HS3ST4: variants seen among roughly 807,000 people sequenced by gnomAD.
The protein encoded by HS3ST4 is heparan sulfate glucosamine 3-O-sulfotransferase 4.
In HS3ST4, 17 loss-of-function variants were observed where a neutral mutation model predicts 29.2. The ratio of observed to expected loss-of-function variants is 0.58; its 90% confidence interval spans 0.40 to 0.87. HS3ST4 has a LOEUF of 0.87. Among genes scored for constraint, HS3ST4 ranks in the 40% least tolerant of loss-of-function variants. The probability of loss-of-function intolerance (pLI) is 0.00; values close to 1 mark genes in which losing one functional copy is unlikely to be tolerated. For synonymous variants in HS3ST4, 314 were observed against 285.7 expected, an observed-to-expected ratio of 1.10 and a Z score of -1.00; for missense variants, 627 against 634.5, an observed-to-expected ratio of 0.99 and a Z score of 0.13.
At chr16:25,914,116 G>A (rs145279901) in intron 1 of HS3ST4, among the ~76,000 whole-genome samples, 2,709 of 149,600 alleles carry the variant, frequency 0.018, 35 homozygotes, top group Middle Eastern at 0.039. Flanking sequence ...TATGTAGGGA[G>A]AGGGTATATG....
intron 1 of HS3ST4, among the ~76,000 whole-genome samples, chr16:25,857,970 TTCTCTTTTCTG>T (rs1567257224): frequency 0.014 from 750 of 53,980 alleles, 27 homozygotes; most frequent in African/African-American, 0.068. Context: ...CTTTCTTTCT[TTCTCTTTTCTG>T]TCTTTCTTTT....
At chr16:25,838,947 G>A (rs946590236) in intron 1 of HS3ST4, among the ~76,000 whole-genome samples, 1 of 152,116 alleles carries the variant, frequency 6.6e-6, no homozygotes, top group Admixed American at 6.5e-5. Context: ...AATCAAATCG[G>A]TCTTGGCACT....
At chr16:25,823,437 G>A (rs117720753) in intron 1 of HS3ST4, among the ~76,000 whole-genome samples, 1,919 of 152,270 alleles carry the variant, frequency 0.013, 25 homozygotes, top group Non-Finnish European at 0.017. Context: ...CAGGGATGAG[G>A]TATGTAGTTC....
At chr16:26,096,613 C>T (rs4505326) in intron 1 of HS3ST4, among the ~76,000 whole-genome samples, 92,642 of 152,014 alleles carry the variant, frequency 0.61, 28,987 homozygotes, top group African/African-American at 0.72. Flanking sequence ...ATAAGAACTA[C>T]TTATGACAAT....
At chr16:25,704,296 T>C (rs1364422656) in intron 1 of HS3ST4, among the ~76,000 whole-genome samples, 1 of 152,216 alleles carries the variant, frequency 6.6e-6, no homozygotes, top group Non-Finnish European at 1.5e-5. Flanking sequence ...CTGTGTGGGC[T>C]AGCTAGTCTC....
chr16:26,073,113 GT>G (rs1898619739), intron 1 of HS3ST4, among the ~76,000 whole-genome samples: 2 of 152,142 alleles, frequency 1.3e-5, no homozygotes, highest in African/African-American at 4.8e-5. Context: ...CTATTTTTCA[GT>G]TTCTTTAATC....
chr16:25,982,816 C>G (rs2141723406), intron 1 of HS3ST4, among the ~76,000 whole-genome samples: 1 of 152,294 alleles, frequency 6.6e-6, no homozygotes, highest in Middle Eastern at 3.4e-3. Context: ...GGCCACAGAG[C>G]AAGATCCTGT....
At chr16:25,761,854 G>A (rs1966790459) in intron 1 of HS3ST4, among the ~76,000 whole-genome samples, 1 of 152,186 alleles carries the variant, frequency 6.6e-6, no homozygotes, top group Non-Finnish European at 1.5e-5. Context: ...TCCTCATGGC[G>A]ATCCTCTGAG....
chr16:25,969,241 C>G (rs1165779959), intron 1 of HS3ST4, among the ~76,000 whole-genome samples: 1 of 152,134 alleles, frequency 6.6e-6, no homozygotes, highest in African/African-American at 2.4e-5. Context: ...ATTTAGTGTC[C>G]TTTAGTGTTT....
chr16:26,029,677 C>A (rs907928850), intron 1 of HS3ST4, among the ~76,000 whole-genome samples: 1 of 152,190 alleles, frequency 6.6e-6, no homozygotes, highest in Non-Finnish European at 1.5e-5. Flanking sequence ...TCCCAAAGTG[C>A]TGGGATTATA....
intron 1 of HS3ST4, among the ~76,000 whole-genome samples, chr16:25,992,889 T>G (rs1319853883): frequency 6.6e-6 from 1 of 152,222 alleles, no homozygotes; most frequent in East Asian, 1.9e-4. Context: ...TTGGCTTGAT[T>G]GAGGGTGAAG....
intron 1 of HS3ST4, among the ~76,000 whole-genome samples, chr16:26,035,580 A>T (rs908041355): frequency 6.6e-6 from 1 of 152,190 alleles, no homozygotes. Flanking sequence ...CCCATATATA[A>T]TTAACCACTC....
intron 1 of HS3ST4, among the ~76,000 whole-genome samples, chr16:25,977,938 A>G (rs938703480): frequency 6.6e-6 from 1 of 152,140 alleles, no homozygotes; most frequent in African/African-American, 2.4e-5. Context: ...GTTGTAATGG[A>G]AAAAAAGAAA....
chr16:25,825,207 G>A (rs1567248423), intron 1 of HS3ST4, among the ~76,000 whole-genome samples: 1 of 152,212 alleles, frequency 6.6e-6, no homozygotes, highest in Non-Finnish European at 1.5e-5. Context: ...ACCACCGGAA[G>A]TTAGGAAGAG....
chr16:25,706,393 A>G (rs1168838086), intron 1 of HS3ST4, among the ~76,000 whole-genome samples: 4 of 151,986 alleles, frequency 2.6e-5, no homozygotes, highest in Non-Finnish European at 4.4e-5. Flanking sequence ...TTTAATATAT[A>G]TATTTTTTAA....
At chr16:26,127,260 A>G (rs886132304) in intron 1 of HS3ST4, among the ~76,000 whole-genome samples, 1 of 152,132 alleles carries the variant, frequency 6.6e-6, no homozygotes, top group African/African-American at 2.4e-5. Flanking sequence ...GAAATTCCTA[A>G]ACGTTGCTCC....
rs1478184138 is a variant in HS3ST4 at position 25,692,776 on chromosome 16, C to T, written c.359C>T (p.Ala120Val). The change falls in exon 1 of 2, where the codon GCC becomes GTC. Residue 120 changes from alanine to valine, a missense_variant. Physicochemically the swap from Ala to Val is moderately conservative, Grantham distance 64. Coordinates refer to ENST00000331351, the MANE Select transcript of HS3ST4 (RefSeq NM_006040.3). The stretch of plus-strand genomic sequence containing the variant: ...CCCGAGCCCCCAGAGCAGCCAGCCG[C>T]CCCCGGGACCGACGGCTGGGGGCTG... ...EPPEPPEQPA[A>V]PGTDGWGLPS... The T allele has an allele frequency of 3.2e-5, 44 of 1,358,814 alleles. No homozygotes were observed. The highest frequency in any genetic ancestry group is 2.7e-4 in the Middle Eastern group (1 of 3,712). The allele number at this position is 1,358,814 out of a possible 1,614,324, so 84.2% of individuals were successfully genotyped here. A position where few individuals can be genotyped will look rare whatever the true frequency, so the allele number is the denominator to read the frequency against.
chr16:26,016,302 C>G (rs1035083667), intron 1 of HS3ST4, among the ~76,000 whole-genome samples: 1 of 152,284 alleles, frequency 6.6e-6, no homozygotes, highest in East Asian at 1.9e-4. Context: ...CTGACACAGT[C>G]TAGGTCAGAG....
At chr16:25,828,301 C>CTTTCTTTCTTTCTCT (rs1555467593) in intron 1 of HS3ST4, among the ~76,000 whole-genome samples, 1 of 32,882 alleles carries the variant, frequency 3.0e-5, no homozygotes, top group Non-Finnish European at 5.5e-5. Context: ...TCTTTCTTTC[C>CTTTCTTTCTTTCTCT]CTCTCTCTCT....
Sources: gnomAD v4.1 joint callset for allele counts (sites outside exome capture counted in the v4.1 genomes callset) on GRCh38, gnomAD v4.1.1 for gene constraint, MANE v1.5 for transcripts, NCBI Gene and HGNC (gene_info 2026-07-23, HGNC 2026-07-21) for gene names.